Variants in CAMKK1 observed in about 807,000 individuals in gnomAD.
CAMKK1 encodes the protein calcium/calmodulin-dependent protein kinase kinase 1.
Under a neutral mutation model 63.5 loss-of-function variants are expected in CAMKK1, and 20 were observed. The observed-to-expected ratio is 0.32, with a 90% confidence interval of 0.22 to 0.46. The LOEUF (loss-of-function observed/expected upper bound fraction) is 0.46. CAMKK1 is among the 20% of genes least tolerant of loss of function. CAMKK1 has a pLI of 1.00. For synonymous variants in CAMKK1, 253 were observed against 269.0 expected (o/e 0.94, Z 0.58); for missense variants, 588 against 658.1 (o/e 0.89, Z 1.17).
intron 9 of CAMKK1, among the ~76,000 whole-genome samples, chr17:3,876,663 C>A (rs1597467614): frequency 1.3e-5 from 2 of 152,182 alleles, no homozygotes; most frequent in South Asian, 4.2e-4. Context: ...GACTCCAAGT[C>A]CAGCACCCTC....
intron 12 of CAMKK1, among the ~76,000 whole-genome samples, chr17:3,870,556 G>A (rs1230504510): frequency 3.9e-5 from 6 of 152,052 alleles, no homozygotes; most frequent in African/African-American, 7.2e-5. Context: ...TAGTAGAGAC[G>A]GGGTTTCACC....
Position 3,869,471 on chromosome 17 carries a change from A to G in CAMKK1, c.1341+16T>C. On this transcript the variant is annotated intron_variant, in intron 14 of 15. Transcript: ENST00000348335. ...GGCCCTCCAGGACAAGGGAGCATCT[A>G]CCCCGGCTCTCTTACCACCGTGGTC... The G allele has an allele frequency of 6.2e-7, 1 of 1,613,938 alleles. No individual in the cohort carries two copies. The highest frequency in any genetic ancestry group is 1.3e-5 in the African/African-American group (1 of 74,978).
Position 3,890,208 on chromosome 17 carries a change from C to A in CAMKK1, c.-44+2731G>T, listed in dbSNP as rs181339120. Reference sequence around the variant, plus strand: ...GCCCTCCGCAGCTCCCGCCCCCACCCGGGATGACTCAGTCCCCTTGAGGGA... The same window carrying A: ...GCCCTCCGCAGCTCCCGCCCCCACCAGGGATGACTCAGTCCCCTTGAGGGA... On this transcript the variant is annotated intron_variant, in intron 1 of 15. Coordinates refer to ENST00000348335, the MANE Select transcript of CAMKK1 (RefSeq NM_032294.3). The surrounding 1 kb of genome is among the most constrained non-coding windows in gnomAD (Gnocchi z 6.5). 6.6e-6 allele frequency among the ~76,000 whole-genome samples: 1 copy of A among 152,208 alleles called. No individual in the cohort carries two copies. The highest frequency in any genetic ancestry group is 2.4e-5 in the African/African-American group (1 of 41,438).
intron 1 of CAMKK1, among the ~76,000 whole-genome samples, chr17:3,888,999 G>A (rs1053059574): frequency 1.3e-5 from 2 of 152,122 alleles, no homozygotes; most frequent in African/African-American, 4.8e-5. Flanking sequence ...GTGTGTGTGC[G>A]CAGGTGTGTT....
intron 7 of CAMKK1, 68 bp from the exon 8 acceptor site, chr17:3,881,716 T>C: frequency 7.0e-7 from 1 of 1,428,400 alleles, no homozygotes; most frequent in South Asian, 1.2e-5. Flanking sequence ...GGTCCCTCCC[T>C]GTTCTGGAGG....
chr17:3,876,185 C>T (rs181847866), intron 10 of CAMKK1, 38 bp downstream of exon 10: 17 of 1,589,776 alleles, frequency 1.1e-5, no homozygotes, highest in Non-Finnish European at 1.5e-5. Context: ...TTACGCCCCC[C>T]ACTTGAACCC....
At chr17:3,876,491 T>C in intron 9 of CAMKK1, 69 bp from the exon 10 acceptor site, 2 of 1,398,708 alleles carry the variant, frequency 1.4e-6, no homozygotes, top group Non-Finnish European at 2.0e-6. Context: ...ACACCCGTCC[T>C]TGCACAGCCA....
intron 10 of CAMKK1, 100 bp from the exon 11 acceptor site, chr17:3,873,562 C>T: frequency 8.7e-7 from 1 of 1,152,194 alleles, no homozygotes; most frequent in Non-Finnish European, 1.3e-6. Flanking sequence ...GAACCTCTTT[C>T]CTCTGTCATG....
In CAMKK1 at chr17:3,862,068, T is replaced by G; in HGVS notation, c.*143A>C. ...GTCCCTGGACGTGCGTGCGTGGAGGTCATGCAGCACGATGGGGGAGGGGCG... is the reference window on the plus strand; with the variant it reads ...GTCCCTGGACGTGCGTGCGTGGAGGGCATGCAGCACGATGGGGGAGGGGCG... On this transcript the variant is annotated 3_prime_UTR_variant, in exon 16 of 16. Coordinates refer to ENST00000348335, the MANE Select transcript of CAMKK1 (RefSeq NM_032294.3). The surrounding 1 kb of genome is among the most constrained non-coding windows in gnomAD (Gnocchi z 4.1). 1 of 648,108 alleles carries G rather than the reference T, an allele frequency of 1.5e-6. No homozygotes were observed. The highest frequency in any genetic ancestry group is 2.7e-6 in the Non-Finnish European group (1 of 368,614). The allele number at this position is 648,108 out of a possible 1,614,324, so 40.1% of individuals were successfully genotyped here.
rs751951429 is a variant in CAMKK1, at chr17:3,869,476, G to T, written c.1341+11C>A. On this transcript the variant is annotated intron_variant, in intron 14 of 15. Transcript: ENST00000348335. The stretch of plus-strand genomic sequence containing the variant: ...TCCAGGACAAGGGAGCATCTACCCC[G>T]GCTCTCTTACCACCGTGGTCCAGCT... 2 of 1,613,954 alleles carry T rather than the reference G, an allele frequency of 1.2e-6. No individual in the cohort carries two copies. The highest frequency in any genetic ancestry group is 1.3e-5 in the African/African-American group (1 of 74,914).
At position 3,883,929 on chromosome 17, in the gene CAMKK1, G is replaced by A. The variant is rs56101368; in HGVS notation, c.417C>T (p.Tyr139=). The change falls in exon 4 of 16, where the codon TAC becomes TAT. Residue 139 remains tyrosine, a synonymous_variant. Coordinates refer to ENST00000348335, the MANE Select transcript of CAMKK1 (RefSeq NM_032294.3). This position sits in a 1 kb window ranked among gnomAD's most constrained non-coding sequence, Gnocchi z 4.7. ...CGTTGTAGGCCAGCCTCACCACACCGTAGGCACCCTGCAGATAGGCATCAG... is the reference window on the plus strand; with the variant it reads ...CGTTGTAGGCCAGCCTCACCACACCATAGGCACCCTGCAGATAGGCATCAG... ...KLQSEIGKGA[Y]GVVRLAYNES... is the part of the protein sequence containing the mutation. 17,050 of 1,613,544 alleles carry A rather than the reference G, an allele frequency of 0.011. 98 individuals carry two copies. Among genetic ancestry groups the A allele is most frequent in the Non-Finnish European group, 0.013 (14,848 of 1,179,864 alleles).
In CAMKK1 at chr17:3,865,891, G is replaced by A. The variant is rs750774315; in HGVS notation, c.1445+17C>T. 1 of 1,613,984 alleles carries A rather than the reference G, an allele frequency of 6.2e-7. No homozygotes were observed. Among genetic ancestry groups the A allele is most frequent in the South Asian group, 1.1e-5 (1 of 91,062 alleles). The stretch of plus-strand genomic sequence containing the variant: ...CTCCAGGGAGTGCCCGGCAGTCCCT[G>A]GCCCACCAGTACTTACACCAGTAGG... On this transcript the variant is annotated intron_variant, in intron 15 of 15. Transcript: ENST00000348335.
chr17:3,877,491 A>C (rs1243159097), intron 9 of CAMKK1, among the ~76,000 whole-genome samples: 2 of 152,110 alleles, frequency 1.3e-5, no homozygotes, highest in African/African-American at 4.8e-5. Flanking sequence ...CACTGACCCC[A>C]TCCCGCGACC....
rs370241504 is a variant in CAMKK1 at position 3,882,400 on chromosome 17, G to A, written c.685+128C>T. ...GCAAGGGAATCCAGGGCTTCAGAAC[G>A]TGTGTTTTTCTTCTGTCCCCAGGAG... On this transcript the variant is annotated intron_variant, in intron 7 of 15. Coordinates refer to ENST00000348335, the MANE Select transcript of CAMKK1 (RefSeq NM_032294.3). This position sits in a 1 kb window ranked among gnomAD's most constrained non-coding sequence, Gnocchi z 4.3. 6.3e-6 allele frequency: 10 copies of A among 1,593,222 alleles called. No individual in the cohort carries two copies. Among genetic ancestry groups the A allele is most frequent in the South Asian group, 2.2e-5 (2 of 90,638 alleles).
chr17:3,883,419 A>C lies in CAMKK1; in HGVS notation c.514+10T>G. 6.2e-7 allele frequency: 1 copy of C among 1,612,598 alleles called. No homozygotes were observed. The highest frequency in any genetic ancestry group is 8.5e-7 in the Non-Finnish European group (1 of 1,178,564). The stretch of plus-strand genomic sequence containing the variant: ...AGGAGCTCCCAGGGACAGGATCAGA[A>C]GATACATACGTGGAAAGCCATACTG... On this transcript the variant is annotated intron_variant, in intron 5 of 15. Coordinates refer to ENST00000348335, the MANE Select transcript of CAMKK1 (RefSeq NM_032294.3). The surrounding 1 kb of genome is among the most constrained non-coding windows in gnomAD (Gnocchi z 4.7).
intron 1 of CAMKK1, among the ~76,000 whole-genome samples, chr17:3,891,100 G>T (rs1019505556): frequency 5.0e-5 from 7 of 140,726 alleles, no homozygotes; most frequent in Non-Finnish European, 9.0e-5. Flanking sequence ...CTCAGACTGG[G>T]GGCAAGGTTG....
At chr17:3,864,605 G>A (rs964582383) in intron 15 of CAMKK1, among the ~76,000 whole-genome samples, 7 of 152,206 alleles carry the variant, frequency 4.6e-5, no homozygotes, top group African/African-American at 1.7e-4. Context: ...CCATTTGGAC[G>A]TCAAATTATA....
At position 3,885,410 on chromosome 17, in the gene CAMKK1, G is replaced by A. The variant is rs765889067; in HGVS notation, c.278C>T (p.Thr93Met). The A allele has an allele frequency of 1.1e-5, 17 of 1,611,678 alleles. No individual in the cohort carries two copies. The highest frequency in any genetic ancestry group is 5.0e-5 in the Admixed American group (3 of 59,856). The change falls in exon 2 of 16, where the codon ACG (threonine) becomes ATG (methionine). Residue 93 changes from threonine to methionine, a missense_variant. This residue lies in a region of CAMKK1 where 357 missense variants were observed against 407.4 expected (regional missense o/e 0.88). Transcript: ENST00000348335. ...YLEAQAGPYA[T>M]GPASHISPRA... ...GGGGGAGATGTGGCTGGCAGGCCCC[G>A]TGGCATAAGGCCCAGCCTGCGCCTC...
chr17:3,863,214 G>A (rs1162474559), intron 15 of CAMKK1, among the ~76,000 whole-genome samples: 2 of 152,102 alleles, frequency 1.3e-5, no homozygotes, highest in African/African-American at 4.8e-5. Context: ...AAAACTCTAT[G>A]GCCGGGCACA....
Sources: allele counts gnomAD v4.1 joint callset (sites outside exome capture counted in the v4.1 genomes callset), GRCh38; gene constraint gnomAD v4.1.1; regional missense constraint gnomAD v4.1.1; non-coding constraint Gnocchi (gnomAD v3.1); transcripts MANE v1.5; gene names NCBI Gene and HGNC (gene_info 2026-07-23, HGNC 2026-07-21).